Variants in ABCD2 observed in about 807,000 individuals in gnomAD.
ABCD2 encodes the protein ATP binding cassette subfamily D member 2.
ABCD2 carries 36 observed loss-of-function variants against 70.9 expected under a neutral mutation model. The observed-to-expected ratio is 0.51, with a 90% CI of 0.39 to 0.67. The LOEUF (loss-of-function observed/expected upper bound fraction) is 0.67, where lower values mean the gene tolerates loss of function less well. ABCD2 is among the 30% of genes least tolerant of loss of function. The pLI is 0.00. For synonymous variants in ABCD2, 304 were observed against 306.9 expected, an observed-to-expected ratio of 0.99 and a Z score of 0.10; for missense variants, 729 against 890.2, an observed-to-expected ratio of 0.82 and a Z score of 2.30.
chr12:39,591,167 A>G (rs1941740948), intron 6 of ABCD2, among the ~76,000 whole-genome samples: 1 of 152,206 alleles, frequency 6.6e-6, no homozygotes, highest in South Asian at 2.1e-4. Context: ...AAATTTAACT[A>G]TCAATAATTC....
intron 6 of ABCD2, among the ~76,000 whole-genome samples, chr12:39,591,394 G>A (rs1180122244): frequency 6.6e-6 from 1 of 152,102 alleles, no homozygotes; most frequent in Non-Finnish European, 1.5e-5. Flanking sequence ...TAAGAGCAGG[G>A]ATGAGGTTTA....
chr12:39,559,302 A>G (rs1436094377), intron 9 of ABCD2, among the ~76,000 whole-genome samples: 2 of 148,578 alleles, frequency 1.3e-5, no homozygotes, highest in African/African-American at 4.9e-5. Context: ...GCTTGAATCC[A>G]GGAAGCGGAG....
chr12:39,558,782 T>C (rs1306901390), intron 9 of ABCD2, among the ~76,000 whole-genome samples: 1 of 152,084 alleles, frequency 6.6e-6, no homozygotes, highest in Non-Finnish European at 1.5e-5. Context: ...GGCAGTTCTT[T>C]ATAGCAGTAT....
chr12:39,619,264 T>G lies in ABCD2; in HGVS notation c.352A>C (p.Thr118Pro), dbSNP rs1468325635. 6.2e-7 allele frequency: 1 copy of G among 1,614,178 alleles called. No individual in the cohort carries two copies. The change falls in exon 1 of 10, where the codon ACC (threonine) becomes CCC (proline). Residue 118 changes from threonine to proline, a missense_variant. This residue lies in a region of ABCD2 where 245 missense variants were observed against 261.2 expected (regional missense o/e 0.94). Transcript: ENST00000308666. ...CCAGCCACATAGATAGAAAGAAAGGTTCTTGAGATTAGAGCCACTGAGTGC... is the reference window on the plus strand; with the variant it reads ...CCAGCCACATAGATAGAAAGAAAGGGTCTTGAGATTAGAGCCACTGAGTGC... ...CLHSVALISR[T>P]FLSIYVAGLD...
intron 3 of ABCD2, among the ~76,000 whole-genome samples, chr12:39,607,106 C>A (rs1187220392): frequency 3.3e-5 from 5 of 151,912 alleles, no homozygotes; most frequent in African/African-American, 9.7e-5. Context: ...TAAAAGTTTG[C>A]GAGATATATA....
Position 39,619,306 on chromosome 12 carries a change from T to C in ABCD2, c.310A>G (p.Thr104Ala). Residue 104 changes from threonine (T) to alanine (A), a missense_variant, in exon 1 of 10, where the codon ACA becomes GCA. Transcript: ENST00000308666. ...ACTGAGTGCAGGCAGAGCCACCCTG[T>C]TTCAGTGGTCACAAGTTTTGGAAAC... ...ILFPKLVTTE[T>A]GWLCLHSVAL... 8.7e-6 allele frequency: 14 copies of C among 1,614,162 alleles called. No individual in the cohort carries two copies. The highest frequency in any genetic ancestry group is 1.2e-5 in the Non-Finnish European group (14 of 1,180,040).
intron 6 of ABCD2, among the ~76,000 whole-genome samples, chr12:39,594,799 C>T (rs990124270): frequency 2.0e-5 from 3 of 151,970 alleles, no homozygotes; most frequent in African/African-American, 7.2e-5. Context: ...CGTGATGAAA[C>T]CCCAACTCTA....
chr12:39,555,176 C>G (rs1210294168), intron 9 of ABCD2, among the ~76,000 whole-genome samples: 1 of 152,090 alleles, frequency 6.6e-6, no homozygotes, highest in African/African-American at 2.4e-5. Context: ...AACCCAATAC[C>G]CATCAGCAGT....
intron 9 of ABCD2, among the ~76,000 whole-genome samples, chr12:39,566,010 G>A (rs984658337): frequency 2.6e-5 from 4 of 152,162 alleles, no homozygotes; most frequent in Admixed American, 6.6e-5. Context: ...GCTTTTTGAT[G>A]TGCTGCTGGA....
intron 6 of ABCD2, among the ~76,000 whole-genome samples, chr12:39,596,102 C>T (rs1236968304): frequency 6.6e-6 from 1 of 152,094 alleles, no homozygotes; most frequent in Non-Finnish European, 1.5e-5. Flanking sequence ...TAGGAAAGAA[C>T]ATTATGCTAT....
intron 9 of ABCD2, among the ~76,000 whole-genome samples, chr12:39,569,327 C>T (rs967129242): frequency 2.6e-5 from 4 of 152,218 alleles, no homozygotes; most frequent in Admixed American, 6.5e-5. Flanking sequence ...TTGGCAATGG[C>T]GGGCACCCCT....
the ABCD2 span, among the ~76,000 whole-genome samples, chr12:39,532,945 G>A: frequency 6.6e-6 from 1 of 151,962 alleles, no homozygotes; most frequent in East Asian, 1.9e-4. Context: ...GGATCATGAG[G>A]TCAGGAGTTT....
At chr12:39,538,427 G>C in the ABCD2 span, among the ~76,000 whole-genome samples, 1 of 151,862 alleles carries the variant, frequency 6.6e-6, no homozygotes, top group Non-Finnish European at 1.5e-5. Flanking sequence ...TGTCTGCCTT[G>C]GCCTCCCAAA....
At chr12:39,598,009 T>G (rs1454434422) in intron 6 of ABCD2, among the ~76,000 whole-genome samples, 1 of 152,230 alleles carries the variant, frequency 6.6e-6, no homozygotes, top group Non-Finnish European at 1.5e-5. Context: ...TCCAAGCTTA[T>G]GAACTGAGCT....
chr12:39,608,466 C>T (rs1942000920), intron 2 of ABCD2, among the ~76,000 whole-genome samples: 1 of 152,080 alleles, frequency 6.6e-6, no homozygotes, highest in Non-Finnish European at 1.5e-5. Context: ...GCAGGCAGAT[C>T]ACTTGAGACC....
At chr12:39,543,050 T>C in the ABCD2 span, among the ~76,000 whole-genome samples, 1 of 152,222 alleles carries the variant, frequency 6.6e-6, no homozygotes. Context: ...GCTGCTCTTT[T>C]CCACATATGA....
chr12:39,558,780 T>C (rs527329908), intron 9 of ABCD2, among the ~76,000 whole-genome samples: 118 of 152,286 alleles, frequency 7.7e-4, no homozygotes, highest in African/African-American at 2.8e-3. Flanking sequence ...CAGGCAGTTC[T>C]TTATAGCAGT....
At chr12:39,554,907 T>C (rs1458193947) in intron 9 of ABCD2, among the ~76,000 whole-genome samples, 2 of 152,204 alleles carry the variant, frequency 1.3e-5, no homozygotes, top group African/African-American at 2.4e-5. Context: ...GCCTATATTC[T>C]TATGTGTCCT....
At chr12:39,537,898 A>T in the ABCD2 span, among the ~76,000 whole-genome samples, 1 of 152,266 alleles carries the variant, frequency 6.6e-6, no homozygotes, top group Non-Finnish European at 1.5e-5. Flanking sequence ...GCTATCAATA[A>T]GAAAGTAAGT....
Sources: gnomAD v4.1 joint callset for allele counts (sites outside exome capture counted in the v4.1 genomes callset) on GRCh38, gnomAD v4.1.1 for gene constraint, gnomAD v4.1.1 regional missense constraint, MANE v1.5 for transcripts, NCBI Gene and HGNC (gene_info 2026-07-23, HGNC 2026-07-21) for gene names.